CACNA1C: variants seen among roughly 807,000 people sequenced by gnomAD.
CACNA1C encodes the protein voltage-dependent L-type calcium channel subunit alpha-1C.
Under a neutral mutation model 229.0 loss-of-function variants are expected in CACNA1C, and 30 were observed. The ratio of observed to expected loss-of-function variants is 0.13; its 90% CI spans 0.10 to 0.18. The LOEUF is 0.18. Among genes scored for constraint, CACNA1C ranks in the 10% least tolerant of loss-of-function variants. The pLI is 1.00. For missense variants in CACNA1C, 1,658 were observed against 2,845.0 expected (o/e 0.58, Z 9.49); for synonymous variants, 1,114 against 1,132.5 (o/e 0.98, Z 0.33).
chr12:2,565,239 C>G (rs941480811), intron 11 of CACNA1C, among the ~76,000 whole-genome samples: 1 of 151,740 alleles, frequency 6.6e-6, no homozygotes, highest in Non-Finnish European at 1.5e-5. Context: ...GAGGCCGAGG[C>G]GGGTGGATCA....
chr12:2,430,253 G>A (rs2099069654), intron 3 of CACNA1C, among the ~76,000 whole-genome samples: 1 of 152,112 alleles, frequency 6.6e-6, no homozygotes, highest in African/African-American at 2.4e-5. Context: ...ATAGGAATTT[G>A]GGGGAGGGAA....
At chr12:2,164,643 A>G (rs2096114739) in intron 3 of CACNA1C, among the ~76,000 whole-genome samples, 1 of 152,208 alleles carries the variant, frequency 6.6e-6, no homozygotes, top group African/African-American at 2.4e-5. Flanking sequence ...GAAGGTCACA[A>G]AAGAGAATGA....
At chr12:2,038,155 G>A (rs560235059) in intron 1 of CACNA1C, among the ~76,000 whole-genome samples, 1 of 152,290 alleles carries the variant, frequency 6.6e-6, no homozygotes, top group Non-Finnish European at 1.5e-5. Context: ...AAAGAGACAT[G>A]ATTAAATAAT....
intron 1 of CACNA1C, among the ~76,000 whole-genome samples, chr12:2,056,752 C>G (rs574747043): frequency 6.6e-6 from 1 of 152,172 alleles, no homozygotes; most frequent in South Asian, 2.1e-4. Flanking sequence ...AGGAAAGGGG[C>G]TATTGGAGTT....
intron 3 of CACNA1C, among the ~76,000 whole-genome samples, chr12:2,421,232 C>T (rs1389629425): frequency 1.3e-5 from 2 of 152,188 alleles, no homozygotes; most frequent in African/African-American, 4.8e-5. Flanking sequence ...GGGTTTGCAA[C>T]TATTTTGCTA....
At chr12:2,549,192 T>C (rs2099890691) in intron 9 of CACNA1C, among the ~76,000 whole-genome samples, 1 of 152,208 alleles carries the variant, frequency 6.6e-6, no homozygotes, top group Non-Finnish European at 1.5e-5. Flanking sequence ...AAACGGCTTA[T>C]ATCCAAGTCA....
intron 3 of CACNA1C, among the ~76,000 whole-genome samples, chr12:2,380,002 G>T (rs2098191365): frequency 7.5e-6 from 1 of 134,124 alleles, no homozygotes; most frequent in Non-Finnish European, 1.6e-5. Flanking sequence ...CTGCACTCCA[G>T]CCTGGGCGAC....
intron 3 of CACNA1C, among the ~76,000 whole-genome samples, chr12:2,294,301 G>A (rs2093801037): frequency 6.6e-6 from 1 of 152,144 alleles, no homozygotes; most frequent in Non-Finnish European, 1.5e-5. Flanking sequence ...CCTGGCAGAA[G>A]GAAGAGCGTG....
At chr12:2,320,454 T>C (rs2095922305) in intron 3 of CACNA1C, among the ~76,000 whole-genome samples, 1 of 152,250 alleles carries the variant, frequency 6.6e-6, no homozygotes, top group Non-Finnish European at 1.5e-5. Context: ...GTCTGAGAAA[T>C]ATACACAAGT....
chr12:2,383,088 G>C (rs976081512), intron 3 of CACNA1C, among the ~76,000 whole-genome samples: 2 of 152,214 alleles, frequency 1.3e-5, no homozygotes, highest in Non-Finnish European at 2.9e-5. Context: ...TGAACTGTGT[G>C]ATCCAGGCAA....
chr12:2,112,427 C>T (rs1043011543), intron 1 of CACNA1C, among the ~76,000 whole-genome samples: 1 of 106,780 alleles, frequency 9.4e-6, no homozygotes, highest in African/African-American at 3.4e-5. Context: ...GGGAGTGTCA[C>T]GTCCTCCGTG....
chr12:2,602,901 G>C lies in CACNA1C; in HGVS notation c.2960+941G>C, dbSNP rs1256200697. ...CTCACACACACAAAACGATGGGGGA[G>C]ACGGGGCAAGTGTTATCATGATTGT... On this transcript the variant is annotated intron_variant, in intron 22 of 46. Transcript: ENST00000399655. The surrounding 1 kb of genome is among the most constrained non-coding windows in gnomAD (Gnocchi z 4.4). Among the ~76,000 whole-genome samples, 2 of 152,154 alleles carry C rather than the reference G, an allele frequency of 1.3e-5. No homozygotes were observed. The highest frequency in any genetic ancestry group is 4.8e-5 in the African/African-American group (2 of 41,430).
At chr12:2,480,115 A>G (rs1324880311) in intron 5 of CACNA1C, among the ~76,000 whole-genome samples, 1 of 152,176 alleles carries the variant, frequency 6.6e-6, no homozygotes, top group African/African-American at 2.4e-5. Flanking sequence ...GCTTCCTCTG[A>G]TTTCACACAC....
chr12:2,597,203 C>G lies in CACNA1C; in HGVS notation c.2794-27C>G, dbSNP rs1160412256. ...GCTTTTCTCCCTTCCCCATCCCATCCCCACCCTGTTCCTTTTTGTTTTGCA... is the reference window on the plus strand; with the variant it reads ...GCTTTTCTCCCTTCCCCATCCCATCGCCACCCTGTTCCTTTTTGTTTTGCA... On this transcript the variant is annotated intron_variant, in intron 20 of 46. Transcript: ENST00000399655. This position sits in a 1 kb window ranked among gnomAD's most constrained non-coding sequence, Gnocchi z 4.3. The G allele has an allele frequency of 6.5e-7, 1 of 1,531,458 alleles. No homozygotes were observed. Among genetic ancestry groups the G allele is most frequent in the Non-Finnish European group, 9.0e-7 (1 of 1,106,154 alleles). The allele number at this position is 1,531,458 out of a possible 1,614,324, so 94.9% of individuals were successfully genotyped here. A position where few individuals can be genotyped will look rare whatever the true frequency, so the allele number is the denominator to read the frequency against.
chr12:2,202,516 G>T (rs2154321722), intron 3 of CACNA1C, among the ~76,000 whole-genome samples: 1 of 152,266 alleles, frequency 6.6e-6, no homozygotes, highest in South Asian at 2.1e-4. Flanking sequence ...ATCATTTAAA[G>T]ACATTTCAAT....
chr12:2,457,947 CCA>C (rs1210779131), intron 5 of CACNA1C, among the ~76,000 whole-genome samples: 2 of 152,232 alleles, frequency 1.3e-5, no homozygotes, highest in African/African-American at 4.8e-5. Context: ...AGTCACTCAG[CCA>C]CATGAATCCT....
rs542898718 is a variant in CACNA1C at position 2,597,727 on chromosome 12, C to T, written c.2853+438C>T. Among the ~76,000 whole-genome samples, 1,314 of 152,326 alleles carry T rather than the reference C, an allele frequency of 8.6e-3. 10 individuals carry two copies. Among genetic ancestry groups the T allele is most frequent in the Non-Finnish European group, 0.013 (869 of 68,036 alleles). On this transcript the variant is annotated intron_variant, in intron 21 of 46. Coordinates refer to ENST00000399655, the MANE Select transcript of CACNA1C (RefSeq NM_000719.7). The surrounding 1 kb of genome is among the most constrained non-coding windows in gnomAD (Gnocchi z 4.3). ...CTCCCTCCAGCCACCCCTAAGCAGT[C>T]CGTGGCCTGGAAGGGACACGTGTTG...
chr12:2,578,260 C>T (rs777472604), intron 13 of CACNA1C, among the ~76,000 whole-genome samples: 2 of 152,190 alleles, frequency 1.3e-5, no homozygotes, highest in African/African-American at 4.8e-5. Context: ...GCTCCACTGA[C>T]GTCTGCCAAA....
chr12:2,248,930 T>C (rs540361090), intron 3 of CACNA1C, among the ~76,000 whole-genome samples: 1 of 152,332 alleles, frequency 6.6e-6, no homozygotes, highest in East Asian at 1.9e-4. Context: ...CTATGAAGGT[T>C]GCATCTGGGA....
Sources: gnomAD v4.1 joint callset for allele counts (sites outside exome capture counted in the v4.1 genomes callset) on GRCh38, gnomAD v4.1.1 for gene constraint, Gnocchi (gnomAD v3.1) non-coding constraint, MANE v1.5 for transcripts, NCBI Gene and HGNC (gene_info 2026-07-23, HGNC 2026-07-21) for gene names.